Variants in SNX13 observed in about 807,000 individuals in gnomAD.
SNX13 encodes sorting nexin-13.
Under a neutral mutation model 133.6 loss-of-function variants are expected in SNX13, and 45 were observed. That is an observed-to-expected ratio of 0.34 (90% CI 0.27 to 0.43). The LOEUF is 0.43. Ranked by LOEUF, SNX13 falls within the 20% of genes least tolerant of loss-of-function variation. The pLI, the probability that SNX13 is intolerant of heterozygous loss-of-function variation, is 1.00. For synonymous variants in SNX13, 414 were observed against 373.9 expected (o/e 1.11, Z -1.24); for missense variants, 1,032 against 1,145.1 (o/e 0.90, Z 1.43).
At chr7:17,928,339 T>C (rs1013877821) in intron 1 of SNX13, among the ~76,000 whole-genome samples, 3 of 152,266 alleles carry the variant, frequency 2.0e-5, no homozygotes, top group East Asian at 1.9e-4. Flanking sequence ...TAAAAAAATA[T>C]ATATATTAAG....
chr7:17,871,655 T>A (rs557553444), intron 8 of SNX13, among the ~76,000 whole-genome samples: 58 of 152,304 alleles, frequency 3.8e-4, no homozygotes, highest in African/African-American at 1.3e-3. Context: ...ACATCTGATG[T>A]TTCCTTTTAG....
intron 1 of SNX13, among the ~76,000 whole-genome samples, chr7:17,933,328 C>G (rs4719525): frequency 0.57 from 87,169 of 151,924 alleles, 25,615 homozygotes; most frequent in Admixed American, 0.64. Context: ...CGGAACATGA[C>G]GTCAGGAGAT....
intron 5 of SNX13, among the ~76,000 whole-genome samples, chr7:17,884,891 A>G (rs1795803428): frequency 6.6e-6 from 1 of 152,220 alleles, no homozygotes. Flanking sequence ...GTCAAAGAGG[A>G]GCCTTCATAC....
At chr7:17,893,235 T>C (rs944008790) in intron 3 of SNX13, 97 bp downstream of exon 3, 43 of 719,744 alleles carry the variant, frequency 6.0e-5, no homozygotes, top group African/African-American at 2.1e-4. Context: ...ATTAGTAAAC[T>C]ATACGAAAAT....
Position 17,807,795 on chromosome 7 carries a change from C to A in SNX13, c.2065-4215G>T, listed in dbSNP as rs189990203. On this transcript the variant is annotated intron_variant, in intron 20 of 25. Transcript: ENST00000428135. Reference sequence around the variant, plus strand: ...ACAGGCAGCAATCTTGGCTGCTCTGCAGCCTCTGCTGGTGATACTCGGGCA... The same window carrying A: ...ACAGGCAGCAATCTTGGCTGCTCTGAAGCCTCTGCTGGTGATACTCGGGCA... Among the ~76,000 whole-genome samples the A allele has an allele frequency of 1.3e-3, 199 of 151,878 alleles. 2 individuals are homozygous for A. The highest frequency in any genetic ancestry group is 4.6e-3 in the African/African-American group (192 of 41,318).
At chr7:17,904,351 G>T (rs907430372) in intron 1 of SNX13, among the ~76,000 whole-genome samples, 3 of 152,176 alleles carry the variant, frequency 2.0e-5, no homozygotes, top group African/African-American at 4.8e-5. Flanking sequence ...AGTTGTAGCA[G>T]ACTGGTTCAG....
At chr7:17,882,473 AAGCATTCT>A (rs1186064331) in intron 5 of SNX13, 1 of 152,242 alleles carries the variant, frequency 6.6e-6, no homozygotes, top group Admixed American at 6.5e-5. Flanking sequence ...GTTTAGAATC[AAGCATTCT>A]TTCTGATCAT....
At chr7:17,939,789 T>C (rs774032072) in intron 1 of SNX13, among the ~76,000 whole-genome samples, 2 of 152,118 alleles carry the variant, frequency 1.3e-5, no homozygotes. Flanking sequence ...GTCCACTTCA[T>C]GAAGCAGTCA....
At chr7:17,921,922 G>A (rs1215869494) in intron 1 of SNX13, among the ~76,000 whole-genome samples, 2 of 152,164 alleles carry the variant, frequency 1.3e-5, no homozygotes, top group Non-Finnish European at 2.9e-5. Flanking sequence ...CATACATGTG[G>A]ATAATCCATC....
At chr7:17,835,836 C>A (rs2128312972) in intron 13 of SNX13, among the ~76,000 whole-genome samples, 1 of 151,922 alleles carries the variant, frequency 6.6e-6, no homozygotes, top group African/African-American at 2.4e-5. Context: ...TGTTAGTAAA[C>A]CTAAGTAGGT....
intron 20 of SNX13, among the ~76,000 whole-genome samples, chr7:17,813,183 T>TA (rs932870490): frequency 3.9e-5 from 6 of 152,022 alleles, no homozygotes; most frequent in African/African-American, 1.2e-4. Context: ...GTTGTTTGGT[T>TA]AAAAAAAAGT....
Position 17,895,733 on chromosome 7 carries a change from G to A in SNX13, c.125+1601C>T, listed in dbSNP as rs181299493. Among the ~76,000 whole-genome samples, 218 of 152,164 alleles carry A rather than the reference G, an allele frequency of 1.4e-3. 1 individual carries two copies. Among genetic ancestry groups the A allele is most frequent in the Non-Finnish European group, 4.1e-4 (28 of 67,972 alleles). ...TTTAAAAATGAATAAACTTTGTGCAGGATCTGGTTTTATTAAAGATTAAAA... is the reference window on the plus strand; with the variant it reads ...TTTAAAAATGAATAAACTTTGTGCAAGATCTGGTTTTATTAAAGATTAAAA... On this transcript the variant is annotated intron_variant, in intron 2 of 25. Coordinates refer to ENST00000428135, the MANE Select transcript of SNX13 (RefSeq NM_015132.5).
At chr7:17,869,941 C>T (rs1029749210) in intron 8 of SNX13, among the ~76,000 whole-genome samples, 2 of 151,838 alleles carry the variant, frequency 1.3e-5, no homozygotes, top group African/African-American at 2.4e-5. Context: ...GAAAAAAACA[C>T]CTGGGGAAAA....
At chr7:17,827,664 T>G (rs570191274) in intron 16 of SNX13, among the ~76,000 whole-genome samples, 97 of 152,010 alleles carry the variant, frequency 6.4e-4, no homozygotes, top group African/African-American at 2.3e-3. Flanking sequence ...TTAAGAGACT[T>G]TAACCATATC....
At chr7:17,899,844 G>A (rs1211205659) in intron 1 of SNX13, 1 of 152,122 alleles carries the variant, frequency 6.6e-6, no homozygotes, top group African/African-American at 2.4e-5. Flanking sequence ...ATGTTTTCCT[G>A]AATGGTCTTG....
At chr7:17,821,207 A>G (rs1035484023) in intron 18 of SNX13, among the ~76,000 whole-genome samples, 1 of 152,160 alleles carries the variant, frequency 6.6e-6, no homozygotes, top group Non-Finnish European at 1.5e-5. Context: ...TAAGCCCAAA[A>G]AACTTTGAAA....
chr7:17,835,185 T>C (rs979136688), intron 13 of SNX13, among the ~76,000 whole-genome samples: 1 of 151,920 alleles, frequency 6.6e-6, no homozygotes, highest in South Asian at 2.1e-4. Flanking sequence ...TTAGGATTAT[T>C]GTAAGGATTA....
At chr7:17,876,696 T>C (rs4721665) in intron 5 of SNX13, among the ~76,000 whole-genome samples, 85,443 of 151,764 alleles carry the variant, frequency 0.56, 24,574 homozygotes, top group East Asian at 0.72. Context: ...AGGTGATTAC[T>C]AATTTTAAGA....
intron 20 of SNX13, among the ~76,000 whole-genome samples, chr7:17,811,785 GT>G (rs1393871614): frequency 1.3e-5 from 2 of 152,096 alleles, no homozygotes; most frequent in African/African-American, 4.8e-5. Flanking sequence ...CATGGTACTG[GT>G]ACCAAAACAG....
Sources: gnomAD v4.1 joint callset for allele counts (sites outside exome capture counted in the v4.1 genomes callset) on GRCh38, gnomAD v4.1.1 for gene constraint, MANE v1.5 for transcripts, NCBI Gene and HGNC (gene_info 2026-07-23, HGNC 2026-07-21) for gene names.